The following DMD variants were observed in gnomAD, a reference collection of about 807,000 sequenced individuals.
The protein encoded by DMD is dystrophin, also known as mutant dystrophin.
In DMD, 63 loss-of-function variants were observed where a neutral mutation model predicts 330.1. That is an observed-to-expected ratio of 0.19 (90% confidence interval 0.16 to 0.24). The LOEUF (loss-of-function observed/expected upper bound fraction) is 0.24. Among genes scored for constraint, DMD ranks in the 10% least tolerant of loss-of-function variants. The pLI is 1.00. For missense variants in DMD, 3,344 were observed against 2,684.1 expected, an observed-to-expected ratio of 1.25 and a Z score of -5.43; for synonymous variants, 1,223 against 959.8, an observed-to-expected ratio of 1.27 and a Z score of -5.07.
intron 44 of DMD, among the ~76,000 whole-genome samples, chrX:31,995,685 CA>C (rs1219096805): frequency 1.8e-5 from 2 of 111,069 alleles, no homozygotes; most frequent in Non-Finnish European, 3.8e-5. Context: ...CATGGGTAGT[CA>C]GTACATGTTA....
chrX:32,837,690 C>A (rs1294064070), intron 4 of DMD, among the ~76,000 whole-genome samples: 1 of 111,777 alleles, frequency 8.9e-6, no homozygotes, highest in Non-Finnish European at 1.9e-5. Flanking sequence ...CTTGACTTCA[C>A]AAGATACCTT....
rs145487226 is a variant in DMD, at chrX:31,988,916, A to G, written c.6439-20402T>C. Among the ~76,000 whole-genome samples, 474 of 111,464 alleles carry G rather than the reference A, an allele frequency of 4.3e-3. 3 individuals carry two copies. Among genetic ancestry groups the G allele is most frequent in the African/African-American group, 0.014 (432 of 30,632 alleles). ...GGAGACCCAGGAAAGCCAATGATGT[A>G]GTTCCTGTCTGAGTCCAAAGGCATG... On this transcript the variant is annotated intron_variant, in intron 44 of 78. Coordinates refer to ENST00000357033, the MANE Select transcript of DMD (RefSeq NM_004006.3).
intron 60 of DMD, among the ~76,000 whole-genome samples, chrX:31,426,836 A>G (rs17329999): frequency 0.029 from 3,275 of 112,286 alleles, 57 homozygotes; most frequent in Admixed American, 0.05. Context: ...GTTAAAAACT[A>G]AACATATATT....
chrX:32,656,577 A>C, intron 9 of DMD, among the ~76,000 whole-genome samples: 1 of 112,216 alleles, frequency 8.9e-6, no homozygotes, highest in East Asian at 2.8e-4. Flanking sequence ...ATGTGAGTTT[A>C]AAATAAACTT....
chrX:33,258,124 C>G (rs1347869770), intron 1 of DMD, among the ~76,000 whole-genome samples: 3 of 111,257 alleles, frequency 2.7e-5, no homozygotes, highest in Non-Finnish European at 3.8e-5. Flanking sequence ...ATGTTTTATG[C>G]ATGACATTTT....
chrX:31,309,444 C>T (rs2055304151), intron 62 of DMD, among the ~76,000 whole-genome samples: 1 of 112,175 alleles, frequency 8.9e-6, no homozygotes, highest in South Asian at 3.7e-4. Flanking sequence ...CTTGTGATTT[C>T]CTAAAACTTG....
At chrX:33,143,383 T>C (rs2047887934) in intron 1 of DMD, among the ~76,000 whole-genome samples, 1 of 111,300 alleles carries the variant, frequency 9.0e-6, no homozygotes, top group Non-Finnish European at 1.9e-5. Flanking sequence ...ATTTTATTTA[T>C]AAGGCAATTG....
intron 2 of DMD, among the ~76,000 whole-genome samples, chrX:33,017,755 AC>A (rs2093831397): frequency 9.0e-6 from 1 of 111,231 alleles, no homozygotes; most frequent in East Asian, 2.8e-4. Flanking sequence ...GCCTTCTCAG[AC>A]CACCCACACT....
chrX:32,132,387 G>A (rs189321543), intron 44 of DMD, among the ~76,000 whole-genome samples: 6 of 111,708 alleles, frequency 5.4e-5, no homozygotes, highest in African/African-American at 1.9e-4. Flanking sequence ...ACATCCTAGT[G>A]AGGTAGGGAA....
chrX:32,385,628 A>G (rs1166009503), intron 33 of DMD, among the ~76,000 whole-genome samples: 1 of 111,572 alleles, frequency 9.0e-6, no homozygotes, highest in African/African-American at 3.2e-5. Context: ...CATAATCTAT[A>G]CAGAATATTT....
At chrX:31,152,307 G>A (rs1198806259) in intron 74 of DMD, among the ~76,000 whole-genome samples, 1 of 109,211 alleles carries the variant, frequency 9.2e-6, no homozygotes, top group South Asian at 4.0e-4. Context: ...GGGATTACAG[G>A]TGCCTGCCAC....
At chrX:32,014,439 G>T (rs116833965) in intron 44 of DMD, among the ~76,000 whole-genome samples, 2,155 of 111,055 alleles carry the variant, frequency 0.019, 74 homozygotes, top group African/African-American at 0.067. Flanking sequence ...CTTGGGCCTC[G>T]ACCAAATCAA....
chrX:33,242,880 C>A (rs2052609159), intron 1 of DMD, among the ~76,000 whole-genome samples: 1 of 111,957 alleles, frequency 8.9e-6, no homozygotes, highest in Non-Finnish European at 1.9e-5. Flanking sequence ...TGTTTGTTGG[C>A]CATCTGTAGA....
At chrX:31,792,278 T>G (rs2091607332) in intron 50 of DMD, among the ~76,000 whole-genome samples, 1 of 112,545 alleles carries the variant, frequency 8.9e-6, no homozygotes, top group Admixed American at 9.4e-5. Context: ...TTGCCATTTC[T>G]TATTTAGATT....
chrX:31,692,983 T>C (rs1380335428), intron 52 of DMD, among the ~76,000 whole-genome samples: 1 of 111,799 alleles, frequency 8.9e-6, no homozygotes, highest in Non-Finnish European at 1.9e-5. Context: ...GAAAGAAAAC[T>C]ATAGGCCAAT....
At chrX:33,285,917 G>GT (rs1426344975) in intron 1 of DMD, among the ~76,000 whole-genome samples, 1 of 111,859 alleles carries the variant, frequency 8.9e-6, no homozygotes, top group Non-Finnish European at 1.9e-5. Context: ...ATTTTGAATT[G>GT]TATTTTGTTT....
intron 43 of DMD, among the ~76,000 whole-genome samples, chrX:32,267,050 T>C (rs1483922187): frequency 8.9e-6 from 1 of 112,376 alleles, no homozygotes; most frequent in Non-Finnish European, 1.9e-5. Flanking sequence ...TTATAGAAGT[T>C]CCACCATTCC....
chrX:31,876,698 A>C (rs1006929004), intron 47 of DMD, among the ~76,000 whole-genome samples: 6 of 109,669 alleles, frequency 5.5e-5, no homozygotes, highest in African/African-American at 1.3e-4. Flanking sequence ...CAAAAAAAAA[A>C]CAAAAAAAAC....
chrX:32,759,855 GGGGGC>G (rs200816178), intron 7 of DMD, among the ~76,000 whole-genome samples: 3,249 of 56,506 alleles, frequency 0.057, 166 homozygotes, highest in African/African-American at 0.21. Context: ...GGGGGGGGGG[GGGGGC>G]GGGGGAAGAC....
Sources: allele counts gnomAD v4.1 joint callset (sites outside exome capture counted in the v4.1 genomes callset), GRCh38; gene constraint gnomAD v4.1.1; transcripts MANE v1.5; gene names NCBI Gene and HGNC (gene_info 2026-07-23, HGNC 2026-07-21).